Variants in C4orf51 observed in about 807,000 individuals in gnomAD.
C4orf51 encodes uncharacterized protein C4orf51.
A neutral mutation model predicts 25.2 loss-of-function variants in C4orf51; 25 were observed. The ratio of observed to expected loss-of-function variants is 0.99; its 90% CI spans 0.72 to 1.39. C4orf51 has a LOEUF of 1.39. Ranked by LOEUF, C4orf51 falls within the 40% of genes most tolerant of loss-of-function variation. The pLI is 0.00. For missense variants in C4orf51, 252 were observed against 239.6 expected (o/e 1.05, Z -0.34); for synonymous variants, 100 against 84.5 (o/e 1.18, Z -1.01).
chr4:145,775,082 G>C (rs995957440), downstream of C4orf51, among the ~76,000 whole-genome samples: 1 of 152,110 alleles, frequency 6.6e-6, no homozygotes, highest in Non-Finnish European at 1.5e-5. Context: ...ACCTCTCTCT[G>C]GCTCTGGAAA....
chr4:145,770,299 A>AAAATAAATAAATAAATAAAT (rs150231954), intron 1 of C4orf51, among the ~76,000 whole-genome samples: 1 of 87,210 alleles, frequency 1.1e-5, no homozygotes, highest in African/African-American at 3.1e-5. Context: ...ACCCTGTCTT[A>AAAATAAATAAATAAATAAAT]AAATAAATAA....
chr4:145,775,696 G>A, downstream of C4orf51: 1 of 1,459,030 alleles, frequency 6.9e-7, no homozygotes, highest in Non-Finnish European at 9.4e-7. Context: ...TGAGAAAAGG[G>A]GCCTCGTGAT....
chr4:145,781,717 G>A, the C4orf51 span, among the ~76,000 whole-genome samples: 2 of 152,210 alleles, frequency 1.3e-5, no homozygotes, highest in Non-Finnish European at 1.5e-5. Flanking sequence ...CACGCAGTGG[G>A]CATTTCAGCT....
intron 2 of C4orf51, among the ~76,000 whole-genome samples, chr4:145,725,773 TG>T (rs1363429049): frequency 3.3e-5 from 5 of 151,958 alleles, no homozygotes; most frequent in African/African-American, 1.2e-4. Flanking sequence ...CTAGTGCTGG[TG>T]GTAAGAAAGG....
chr4:145,715,114 AG>A (rs1051838603), intron 2 of C4orf51, among the ~76,000 whole-genome samples: 10 of 152,310 alleles, frequency 6.6e-5, no homozygotes, highest in African/African-American at 2.4e-4. Flanking sequence ...AACAGGCTAC[AG>A]GGGAAGGGGT....
intron 1 of C4orf51, among the ~76,000 whole-genome samples, chr4:145,694,117 C>T (rs1729848071): frequency 8.2e-6 from 1 of 121,574 alleles, no homozygotes; most frequent in Non-Finnish European, 1.7e-5. Context: ...GGCGGCGGGG[C>T]AGAGGCGCTC....
chr4:145,742,740 C>T (rs1009495364), intron 1 of C4orf51, among the ~76,000 whole-genome samples: 4 of 151,968 alleles, frequency 2.6e-5, no homozygotes, highest in African/African-American at 9.7e-5. Context: ...CGGGGTTTCA[C>T]CATGTTGGTT....
chr4:145,709,893 A>G (rs539987646), intron 2 of C4orf51, among the ~76,000 whole-genome samples: 1 of 152,318 alleles, frequency 6.6e-6, no homozygotes, highest in South Asian at 2.1e-4. Context: ...AGAGGAGCAG[A>G]GCCACTTGCA....
At chr4:145,730,147 C>A (rs1266128000) in intron 5 of C4orf51, among the ~76,000 whole-genome samples, 182 bp downstream of exon 5, 1 of 152,178 alleles carries the variant, frequency 6.6e-6, no homozygotes, top group Non-Finnish European at 1.5e-5. Context: ...TAAAGTCTTT[C>A]TTAAAGCATC....
At chr4:145,711,143 G>A (rs1041987678) in intron 2 of C4orf51, among the ~76,000 whole-genome samples, 1 of 152,056 alleles carries the variant, frequency 6.6e-6, no homozygotes, top group Non-Finnish European at 1.5e-5. Flanking sequence ...GGCTAATATG[G>A]TCCAAATTGC....
At chr4:145,784,102 A>T in the C4orf51 span, among the ~76,000 whole-genome samples, 1 of 152,140 alleles carries the variant, frequency 6.6e-6, no homozygotes, top group Non-Finnish European at 1.5e-5. Context: ...CTATGATGGA[A>T]AGTTTCCTGA....
intron 3 of C4orf51, among the ~76,000 whole-genome samples, chr4:145,728,069 C>T (rs974720939): frequency 1.3e-4 from 19 of 141,872 alleles, no homozygotes; most frequent in African/African-American, 3.9e-4. Flanking sequence ...CACACACACA[C>T]GCCATATAAG....
rs528918671 is a variant in C4orf51, at chr4:145,732,539, A to G, written c.588A>G (p.Gly196=). 3 of 1,608,730 alleles carry G rather than the reference A, an allele frequency of 1.9e-6. No individual in the cohort carries two copies. The highest frequency in any genetic ancestry group is 1.7e-5 in the Admixed American group (1 of 59,504). Residue 196 remains glycine, a synonymous_variant, in exon 6 of 6, where the codon GGA becomes GGG. Coordinates refer to ENST00000438731, the MANE Select transcript of C4orf51 (RefSeq NM_001080531.3). ...GATACTCCGATTATGGCTGGGGAGGACCCTCATCGCCATTTAACTGAGTTG... is the reference window on the plus strand; with the variant it reads ...GATACTCCGATTATGGCTGGGGAGGGCCCTCATCGCCATTTAACTGAGTTG... ...ADRYSDYGWG[G]PSSPFN
At position 145,729,203 on chromosome 4, in the gene C4orf51, C is replaced by T. The variant is rs200530743; in HGVS notation, c.401C>T (p.Pro134Leu). 185 of 1,608,142 alleles carry T rather than the reference C, an allele frequency of 1.2e-4. 1 individual carries two copies. Among genetic ancestry groups the T allele is most frequent in the Non-Finnish European group, 1.4e-4 (166 of 1,176,094 alleles). ...ATTTGGGATTTTGGTGATTGTTTTC[C>T]GACACCTCCAAATTATGGAAAATAC... ...HQIWDFGDCF[P>L]TPPNYGKYCV... The change falls in exon 4 of 6, where the codon CCG (proline) becomes CTG (leucine). Residue 134 changes from proline to leucine, a missense_variant. Coordinates refer to ENST00000438731, the MANE Select transcript of C4orf51 (RefSeq NM_001080531.3).
chr4:145,708,656 A>G (rs1730968465), intron 2 of C4orf51, among the ~76,000 whole-genome samples: 1 of 152,214 alleles, frequency 6.6e-6, no homozygotes, highest in South Asian at 2.1e-4. Flanking sequence ...TTGGGGTTCC[A>G]GAATGAACCA....
In C4orf51 at chr4:145,729,243, T is replaced by C. The variant is rs771177253; in HGVS notation, c.427+14T>C. On this transcript the variant is annotated intron_variant, in intron 4 of 5. Transcript: ENST00000438731. ...ATGGAAAATACTGTAAGTCCCATCC[T>C]GAACTACTACTTTACATCCATTTTC... 1 of 1,555,762 alleles carries C rather than the reference T, an allele frequency of 6.4e-7. No individual in the cohort carries two copies. Among genetic ancestry groups the C allele is most frequent in the Non-Finnish European group, 8.8e-7 (1 of 1,130,758 alleles).
At chr4:145,689,400 C>T (rs534695406) in intron 1 of C4orf51, among the ~76,000 whole-genome samples, 1 of 151,794 alleles carries the variant, frequency 6.6e-6, no homozygotes, top group East Asian at 1.9e-4. Context: ...ATCTATGAGA[C>T]ATATATGTAT....
At chr4:145,690,307 C>T (rs1292876122) in intron 1 of C4orf51, among the ~76,000 whole-genome samples, 1 of 151,750 alleles carries the variant, frequency 6.6e-6, no homozygotes, top group Non-Finnish European at 1.5e-5. Context: ...AGATCAAGAC[C>T]ATCCTGGCTA....
chr4:145,702,386 C>A (rs1730511384), intron 2 of C4orf51, among the ~76,000 whole-genome samples: 1 of 152,048 alleles, frequency 6.6e-6, no homozygotes, highest in African/African-American at 2.4e-5. Flanking sequence ...CCCAGCCTCT[C>A]TTTGCCTTCA....
Sources: gnomAD v4.1 joint callset for allele counts (sites outside exome capture counted in the v4.1 genomes callset) on GRCh38, gnomAD v4.1.1 for gene constraint, MANE v1.5 for transcripts, NCBI Gene and HGNC (gene_info 2026-07-23, HGNC 2026-07-21) for gene names.